The following TRUB1 variants were observed in gnomAD, a reference collection of about 807,000 sequenced individuals.
TRUB1 encodes pseudouridylate synthase TRUB1.
Under a neutral mutation model 33.9 loss-of-function variants are expected in TRUB1, and 23 were observed. The observed-to-expected ratio is 0.68, with a 90% CI of 0.49 to 0.96. The LOEUF is 0.96. TRUB1 is among the 40% of genes least tolerant of loss of function. TRUB1 has a pLI of 0.00. For synonymous variants in TRUB1, 163 were observed against 165.4 expected (o/e 0.99, Z 0.11); for missense variants, 378 against 422.2 (o/e 0.90, Z 0.92).
chr10:114,968,693 C>T (rs2084321622), intron 4 of TRUB1, among the ~76,000 whole-genome samples: 1 of 152,182 alleles, frequency 6.6e-6, no homozygotes, highest in South Asian at 2.1e-4. Context: ...GCTCTTCTGT[C>T]TGTTTGAGTC....
At chr10:114,955,194 A>G (rs932557568) in intron 3 of TRUB1, among the ~76,000 whole-genome samples, 1 of 152,250 alleles carries the variant, frequency 6.6e-6, no homozygotes, top group African/African-American at 2.4e-5. Context: ...TGATCTAAGT[A>G]TAAAACGTTG....
At chr10:114,969,112 AT>A (rs1351848167) in intron 4 of TRUB1, among the ~76,000 whole-genome samples, 1 of 149,774 alleles carries the variant, frequency 6.7e-6, no homozygotes, top group African/African-American at 2.4e-5. Flanking sequence ...ATAGAACTGT[AT>A]TTTTTGTCTT....
chr10:114,955,250 T>C (rs2084256760), intron 3 of TRUB1, among the ~76,000 whole-genome samples: 1 of 152,176 alleles, frequency 6.6e-6, no homozygotes, highest in Admixed American at 6.5e-5. Flanking sequence ...CTTCCCTAAA[T>C]TACACTTTCT....
chr10:114,950,506 A>C (rs994263205), intron 2 of TRUB1, among the ~76,000 whole-genome samples: 1 of 152,202 alleles, frequency 6.6e-6, no homozygotes, highest in African/African-American at 2.4e-5. Context: ...CGTATGAATA[A>C]TGTTTGAAAT....
chr10:114,948,969 G>C (rs1016571117), intron 2 of TRUB1, among the ~76,000 whole-genome samples: 4 of 152,164 alleles, frequency 2.6e-5, no homozygotes, highest in Non-Finnish European at 5.9e-5. Context: ...TACAAACTCC[G>C]AAATGCTTGA....
At chr10:114,951,499 C>A (rs2084235136) in intron 3 of TRUB1, among the ~76,000 whole-genome samples, 2 of 152,038 alleles carry the variant, frequency 1.3e-5, no homozygotes, top group African/African-American at 4.8e-5. Context: ...AGAAACAATA[C>A]CATTTTGTAA....
At chr10:114,950,968 G>A in intron 2 of TRUB1, 126 bp from the exon 3 acceptor site, 1 of 690,826 alleles carries the variant, frequency 1.4e-6, no homozygotes, top group South Asian at 2.0e-5. Context: ...CTAACATTTT[G>A]CTAAATATCT....
At chr10:114,939,460 C>G (rs559965554) in intron 1 of TRUB1, among the ~76,000 whole-genome samples, 1 of 145,532 alleles carries the variant, frequency 6.9e-6, no homozygotes, top group East Asian at 1.9e-4. Flanking sequence ...AGAGTTTGGC[C>G]GTATTCTGTC....
intron 3 of TRUB1, among the ~76,000 whole-genome samples, chr10:114,957,739 C>T (rs1414565631): frequency 6.6e-5 from 10 of 152,180 alleles, no homozygotes; most frequent in Admixed American, 6.5e-4. Flanking sequence ...ACTTGGGAAA[C>T]ATGTTAAGGT....
intron 2 of TRUB1, among the ~76,000 whole-genome samples, chr10:114,949,903 T>TG (rs2084226724): frequency 6.6e-6 from 1 of 150,652 alleles, no homozygotes; most frequent in Non-Finnish European, 1.5e-5. Context: ...AAAGTTTTTT[T>TG]TTTTTTTTTT....
intron 4 of TRUB1, among the ~76,000 whole-genome samples, chr10:114,963,134 G>A (rs2084291329): frequency 1.3e-5 from 2 of 152,118 alleles, no homozygotes; most frequent in South Asian, 4.1e-4. Context: ...AGTTTTTTCT[G>A]TCCCTCCCAT....
rs2084194418 is a variant in TRUB1, at chr10:114,942,756, A to G, written c.385+13A>G. 4 of 1,559,108 alleles carry G rather than the reference A, an allele frequency of 2.6e-6. No individual in the cohort carries two copies. Among genetic ancestry groups the G allele is most frequent in the South Asian group, 1.1e-5 (1 of 89,706 alleles). ...CGAGGAGTTCTGGGTAAGAGATATGAAAGGCAGTTAAGTGTCCACTGTCAC... is the reference window on the plus strand; with the variant it reads ...CGAGGAGTTCTGGGTAAGAGATATGGAAGGCAGTTAAGTGTCCACTGTCAC... On this transcript the variant is annotated intron_variant, in intron 2 of 7. Transcript: ENST00000298746.
intron 4 of TRUB1, among the ~76,000 whole-genome samples, chr10:114,965,031 G>T (rs1336575434): frequency 6.7e-6 from 1 of 149,620 alleles, no homozygotes; most frequent in Admixed American, 6.7e-5. Flanking sequence ...CCGGGTTCAT[G>T]CCATTCTCCT....
chr10:114,963,858 A>G lies in TRUB1; in HGVS notation c.523+4051A>G, dbSNP rs529512592. On this transcript the variant is annotated intron_variant, in intron 4 of 7. Transcript: ENST00000298746. ...GAATATACTACACACATACTCTCCC[A>G]GTTTGGGGCTTTGTGAATAAAGTGC... Among the ~76,000 whole-genome samples, 54 of 151,966 alleles carry G rather than the reference A, an allele frequency of 3.6e-4. 1 individual carries two copies. Among genetic ancestry groups the G allele is most frequent in the African/African-American group, 1.2e-3 (48 of 41,394 alleles).
At position 114,951,780 on chromosome 10, in the gene TRUB1, C is replaced by T. The variant is rs1045974105; in HGVS notation, c.441+631C>T. Among the ~76,000 whole-genome samples, 7 of 152,190 alleles carry T rather than the reference C, an allele frequency of 4.6e-5. No homozygotes were observed. The South Asian group carries it at 1.5e-3, about 32-fold the overall frequency. On this transcript the variant is annotated intron_variant, in intron 3 of 7. Transcript: ENST00000298746. Reference sequence around the variant, plus strand: ...CTGTATCCTAATGAGTAATTAGGTGCTGGTTATAAGTGCTGGGACTAAGGG... The same window carrying T: ...CTGTATCCTAATGAGTAATTAGGTGTTGGTTATAAGTGCTGGGACTAAGGG...
chr10:114,972,235 A>G lies in TRUB1; in HGVS notation c.697A>G (p.Ile233Val), dbSNP rs2084340085. The change falls in exon 6 of 8, where the codon ATC (isoleucine) becomes GTC (valine). Residue 233 changes from isoleucine (I) to valine (V), a missense_variant. By Grantham distance (29) the Ile-to-Val change is conservative. Transcript: ENST00000298746. ...KPARPVTVYS[I>V]SLQKFQPPFF... ...TGCCAGGCCAGTGACTGTATACAGTATCTCCCTTCAAAAATTCCAGCCACC... is the reference window on the plus strand; with the variant it reads ...TGCCAGGCCAGTGACTGTATACAGTGTCTCCCTTCAAAAATTCCAGCCACC... 3 of 1,609,686 alleles carry G rather than the reference A, an allele frequency of 1.9e-6. No individual in the cohort carries two copies. The highest frequency in any genetic ancestry group is 1.3e-5 in the African/African-American group (1 of 74,748).
chr10:114,960,442 C>G (rs1487777582), intron 4 of TRUB1, among the ~76,000 whole-genome samples: 1 of 152,156 alleles, frequency 6.6e-6, no homozygotes, highest in Non-Finnish European at 1.5e-5. Context: ...AGTCAGTTCA[C>G]CTGCATCATT....
At chr10:114,956,143 A>T (rs1462330108) in intron 3 of TRUB1, among the ~76,000 whole-genome samples, 1 of 152,148 alleles carries the variant, frequency 6.6e-6, no homozygotes, top group African/African-American at 2.4e-5. Context: ...GGGTTTAGGG[A>T]GCTTGACGAT....
At chr10:114,963,835 A>G (rs562155131) in intron 4 of TRUB1, among the ~76,000 whole-genome samples, 2 of 152,144 alleles carry the variant, frequency 1.3e-5, no homozygotes, top group Non-Finnish European at 2.9e-5. Flanking sequence ...CACTGTGTGA[A>G]TATACTACAC....
Sources: allele counts gnomAD v4.1 joint callset (sites outside exome capture counted in the v4.1 genomes callset), GRCh38; gene constraint gnomAD v4.1.1; transcripts MANE v1.5; gene names NCBI Gene and HGNC (gene_info 2026-07-23, HGNC 2026-07-21).